NRXN3: variants seen among roughly 807,000 people sequenced by gnomAD.
NRXN3 encodes the protein neurexin 3.
In NRXN3, 32 loss-of-function variants were observed where a neutral mutation model predicts 137.6. The ratio of observed to expected loss-of-function variants is 0.23; its 90% confidence interval spans 0.18 to 0.31. NRXN3 has a LOEUF of 0.31. NRXN3 is among the 10% of genes least tolerant of loss of function. The probability of loss-of-function intolerance (pLI) is 1.00; values close to 1 mark genes in which losing one functional copy is unlikely to be tolerated. For missense variants in NRXN3, 1,574 were observed against 2,062.5 expected (o/e 0.76, Z 4.59); for synonymous variants, 798 against 784.5 (o/e 1.02, Z -0.29).
chr14:78,194,717 G>T (rs753061358), intron 1 of NRXN3, among the ~76,000 whole-genome samples: 11 of 152,192 alleles, frequency 7.2e-5, no homozygotes, highest in Non-Finnish European at 1.3e-4. Flanking sequence ...GGATGGCTAC[G>T]GACAGGTGGC....
intron 17 of NRXN3, among the ~76,000 whole-genome samples, chr14:79,672,683 C>T (rs1454575280): frequency 6.6e-6 from 1 of 152,018 alleles, no homozygotes; most frequent in African/African-American, 2.4e-5. Flanking sequence ...TTCTGGCCTG[C>T]AGAAGTTGTC....
Position 79,254,664 on chromosome 14 carries a change from AC to A in NRXN3, c.3263-212555del, listed in dbSNP as rs1447424714. ...AAGTTCATTATTGTGCTGGCCTCAG[AC>A]CACTTTAGCTGCCATCAGTTGAGAG... On this transcript the variant is annotated intron_variant, in intron 15 of 20. Coordinates refer to ENST00000335750, the MANE Select transcript of NRXN3 (RefSeq NM_001330195.2). Among the ~76,000 whole-genome samples, 3 of 152,142 alleles carry A rather than the reference AC, an allele frequency of 2.0e-5. No homozygotes were observed. The East Asian group carries it at 5.8e-4, about 29-fold the overall frequency.
intron 15 of NRXN3, among the ~76,000 whole-genome samples, chr14:79,129,165 G>A (rs1303442911): frequency 6.6e-6 from 1 of 151,914 alleles, no homozygotes; most frequent in African/African-American, 2.4e-5. Context: ...GGTTTTTTGT[G>A]TCTCTATTTC....
intron 2 of NRXN3, among the ~76,000 whole-genome samples, chr14:78,256,321 G>C (rs2069590353): frequency 6.6e-6 from 1 of 152,228 alleles, no homozygotes; most frequent in Non-Finnish European, 1.5e-5. Context: ...ATGATACACT[G>C]GCAGGAAAGC....
At chr14:78,264,287 G>A (rs2071319903) in intron 2 of NRXN3, among the ~76,000 whole-genome samples, 1 of 152,118 alleles carries the variant, frequency 6.6e-6, no homozygotes, top group African/African-American at 2.4e-5. Context: ...CCCCTCTGCT[G>A]AGCTAACAGA....
At chr14:78,652,583 A>AT (rs2152635029) in intron 6 of NRXN3, among the ~76,000 whole-genome samples, 1 of 152,338 alleles carries the variant, frequency 6.6e-6, no homozygotes, top group African/African-American at 2.4e-5. Flanking sequence ...GTGACATCTT[A>AT]TGAGTCTCCT....
chr14:79,284,556 C>T (rs1212789871), intron 15 of NRXN3, among the ~76,000 whole-genome samples: 3 of 151,656 alleles, frequency 2.0e-5, no homozygotes, highest in African/African-American at 7.3e-5. Flanking sequence ...ACATGGAACT[C>T]TTGGAAAGCT....
At chr14:79,524,606 A>G (rs1280529433) in intron 16 of NRXN3, among the ~76,000 whole-genome samples, 3 of 152,234 alleles carry the variant, frequency 2.0e-5, no homozygotes, top group African/African-American at 7.2e-5. Context: ...AGTAGGATTT[A>G]CTTTGACAAT....
chr14:79,801,085 A>G (rs957709687), intron 19 of NRXN3, among the ~76,000 whole-genome samples: 1 of 152,210 alleles, frequency 6.6e-6, no homozygotes, highest in East Asian at 1.9e-4. Flanking sequence ...TTGGTTACCA[A>G]AACAGGCAAA....
At chr14:78,585,932 C>T (rs1231353535) in intron 4 of NRXN3, among the ~76,000 whole-genome samples, 2 of 152,134 alleles carry the variant, frequency 1.3e-5, no homozygotes, top group East Asian at 3.9e-4. Context: ...CATACACATG[C>T]TATTTAGAGG....
intron 4 of NRXN3, among the ~76,000 whole-genome samples, chr14:78,476,915 A>G (rs115735329): frequency 0.021 from 3,131 of 152,260 alleles, 95 homozygotes; most frequent in African/African-American, 0.063. Flanking sequence ...TTGGGCTCGT[A>G]TTCAAGATCT....
At chr14:78,752,167 G>T (rs2098645966) in intron 8 of NRXN3, among the ~76,000 whole-genome samples, 1 of 152,264 alleles carries the variant, frequency 6.6e-6, no homozygotes, top group Non-Finnish European at 1.5e-5. Flanking sequence ...CACTTTGGGA[G>T]GCCCCGAGGC....
intron 1 of NRXN3, among the ~76,000 whole-genome samples, chr14:78,233,603 G>A (rs2065761795): frequency 6.7e-6 from 1 of 148,658 alleles, no homozygotes; most frequent in African/African-American, 2.5e-5. Context: ...AATACTCTCT[G>A]TAGAACTTCC....
intron 15 of NRXN3, among the ~76,000 whole-genome samples, chr14:79,104,405 G>T (rs1413965834): frequency 6.6e-6 from 1 of 152,136 alleles, no homozygotes; most frequent in Admixed American, 6.6e-5. Flanking sequence ...GGAACACAGG[G>T]CACAGGAATA....
intron 15 of NRXN3, among the ~76,000 whole-genome samples, chr14:79,071,192 G>T (rs73320847): frequency 0.044 from 6,495 of 148,982 alleles, 514 homozygotes; most frequent in African/African-American, 0.15. Context: ...GAGCTTGATT[G>T]TTCTAATTTA....
intron 6 of NRXN3, among the ~76,000 whole-genome samples, chr14:78,654,062 T>C (rs1250063978): frequency 6.6e-6 from 1 of 152,246 alleles, no homozygotes; most frequent in African/African-American, 2.4e-5. Flanking sequence ...TTTGTCTGAG[T>C]ACTTTGAACA....
intron 4 of NRXN3, among the ~76,000 whole-genome samples, chr14:78,524,192 A>T (rs2096338355): frequency 1.3e-5 from 2 of 152,142 alleles, no homozygotes; most frequent in South Asian, 4.2e-4. Flanking sequence ...ATCTTAGTGT[A>T]TGTTTTTTTT....
At chr14:78,943,661 T>TCAAAAAAA (rs2099359481) in intron 10 of NRXN3, among the ~76,000 whole-genome samples, 1 of 80,062 alleles carries the variant, frequency 1.2e-5, no homozygotes, top group Non-Finnish European at 2.4e-5. Flanking sequence ...TATATATATA[T>TCAAAAAAA]ATATATATAT....
chr14:79,063,374 C>T (rs1244126678), intron 15 of NRXN3, among the ~76,000 whole-genome samples: 1 of 152,092 alleles, frequency 6.6e-6, no homozygotes, highest in Non-Finnish European at 1.5e-5. Flanking sequence ...ACCTCTGCCT[C>T]CCGGGTTCAA....
Sources: gnomAD v4.1 joint callset for allele counts (sites outside exome capture counted in the v4.1 genomes callset) on GRCh38, gnomAD v4.1.1 for gene constraint, MANE v1.5 for transcripts, NCBI Gene and HGNC (gene_info 2026-07-23, HGNC 2026-07-21) for gene names.